The following GGNBP2 variants were observed in gnomAD, a reference collection of about 807,000 sequenced individuals.
The protein encoded by GGNBP2 is gametogenetin binding protein 2.
A neutral mutation model predicts 85.9 loss-of-function variants in GGNBP2; 10 were observed. The ratio of observed to expected loss-of-function variants is 0.12; its 90% CI spans 0.07 to 0.20. GGNBP2 has a LOEUF of 0.20. Ranked by LOEUF, GGNBP2 falls within the 10% of genes least tolerant of loss-of-function variation. The probability of loss-of-function intolerance (pLI) is 1.00; values close to 1 mark genes in which losing one functional copy is unlikely to be tolerated. For synonymous variants in GGNBP2, 287 were observed against 285.7 expected, an observed-to-expected ratio of 1.00 and a Z score of -0.05; for missense variants, 595 against 857.8, an observed-to-expected ratio of 0.69 and a Z score of 3.83.
intron 5 of GGNBP2, among the ~76,000 whole-genome samples, chr17:36,566,474 A>G (rs1011355290): frequency 1.3e-5 from 2 of 152,028 alleles, no homozygotes; most frequent in Non-Finnish European, 2.9e-5. Context: ...AGCCTGGGCA[A>G]CATGACAAGA....
At chr17:36,586,682 A>G in intron 12 of GGNBP2, 1 of 310,978 alleles carries the variant, frequency 3.2e-6, no homozygotes. Flanking sequence ...ACAGTGGCAT[A>G]ATCTTGGCTC....
intron 6 of GGNBP2, among the ~76,000 whole-genome samples, chr17:36,568,332 T>C (rs1052341495): frequency 6.6e-6 from 1 of 151,894 alleles, no homozygotes. Context: ...AGTTGCACTC[T>C]GTCACCCAGG....
At chr17:36,546,576 C>T (rs997898556) in intron 2 of GGNBP2, 3 of 152,202 alleles carry the variant, frequency 2.0e-5, no homozygotes, top group African/African-American at 7.2e-5. Flanking sequence ...ATTATCGACC[C>T]TCTGCCCTAT....
intron 6 of GGNBP2, among the ~76,000 whole-genome samples, chr17:36,571,718 C>T (rs989993743): frequency 7.9e-5 from 12 of 152,170 alleles, no homozygotes; most frequent in African/African-American, 2.9e-4. Flanking sequence ...TGGCGGGCGC[C>T]TGTAGTCCCA....
chr17:36,572,975 A>G (rs903157612), intron 6 of GGNBP2, among the ~76,000 whole-genome samples: 1 of 151,834 alleles, frequency 6.6e-6, no homozygotes, highest in Non-Finnish European at 1.5e-5. Flanking sequence ...ATTATCTAAG[A>G]CAATACTTAG....
chr17:36,565,647 C>G (rs951616553), intron 5 of GGNBP2, among the ~76,000 whole-genome samples: 14 of 152,062 alleles, frequency 9.2e-5, no homozygotes, highest in African/African-American at 3.1e-4. Flanking sequence ...CTGGTAATCC[C>G]AGCACTTTGG....
chr17:36,565,877 C>T (rs2074462975), intron 5 of GGNBP2, among the ~76,000 whole-genome samples: 1 of 152,092 alleles, frequency 6.6e-6, no homozygotes. Flanking sequence ...GCTTGGGCGA[C>T]AGAGTGAGAC....
At chr17:36,555,326 G>A (rs1452941840) in intron 3 of GGNBP2, among the ~76,000 whole-genome samples, 2 of 152,164 alleles carry the variant, frequency 1.3e-5, no homozygotes, top group African/African-American at 4.8e-5. Context: ...GCAATGTATA[G>A]TGGTCCCTCA....
chr17:36,579,112 C>T lies in GGNBP2; in HGVS notation c.846-133C>T, dbSNP rs891030759. ...ATGCATGCTTGTATAGCAACATATA[C>T]GTTGAGTGTAAATGTATAACTGTCT... On this transcript the variant is annotated intron_variant, in intron 7 of 13. Coordinates refer to ENST00000613102, the MANE Select transcript of GGNBP2 (RefSeq NM_024835.5). The T allele has an allele frequency of 4.2e-5, 29 of 683,604 alleles. No individual in the cohort carries two copies. In the African/African-American group the frequency reaches 4.5e-4, roughly 11 times the overall value. The allele number at this position is 683,604 out of a possible 1,614,324, so 42.3% of individuals were successfully genotyped here. A position where few individuals can be genotyped will look rare whatever the true frequency, so the allele number is the denominator to read the frequency against.
At chr17:36,549,871 C>CTGGT (rs2074292127) in intron 2 of GGNBP2, among the ~76,000 whole-genome samples, 1 of 151,758 alleles carries the variant, frequency 6.6e-6, no homozygotes, top group Non-Finnish European at 1.5e-5. Context: ...AGTGGAATTA[C>CTGGT]TGGTTGGATC....
intron 6 of GGNBP2, among the ~76,000 whole-genome samples, chr17:36,573,088 C>T (rs1489912789): frequency 6.6e-6 from 1 of 152,054 alleles, no homozygotes; most frequent in African/African-American, 2.4e-5. Context: ...TGGGCAGTGT[C>T]ATAGTATATG....
intron 5 of GGNBP2, 79 bp downstream of exon 5, chr17:36,560,950 C>T: frequency 1.3e-6 from 1 of 752,452 alleles, no homozygotes; most frequent in South Asian, 1.9e-5. Context: ...AGAAATAAAC[C>T]CACTGTTTGC....
intron 9 of GGNBP2, 87 bp from the exon 10 acceptor site, chr17:36,585,213 A>T (rs2074688816): frequency 3.6e-6 from 4 of 1,112,530 alleles, no homozygotes; most frequent in Non-Finnish European, 5.3e-6. Context: ...TCTTACTATT[A>T]GGATGAAAAT....
intron 13 of GGNBP2, 64 bp from the exon 14 acceptor site, chr17:36,589,144 C>T: frequency 8.6e-7 from 1 of 1,166,750 alleles, no homozygotes; most frequent in Non-Finnish European, 1.3e-6. Flanking sequence ...TTTAGCTGTC[C>T]TCCTCCATTA....
chr17:36,578,148 A>G lies in GGNBP2; in HGVS notation c.807A>G (p.Ala269=), dbSNP rs750587575. The G allele has an allele frequency of 6.2e-7, 1 of 1,613,752 alleles. No individual in the cohort carries two copies. The highest frequency in any genetic ancestry group is 8.5e-7 in the Non-Finnish European group (1 of 1,179,652). The change falls in exon 7 of 14, where the codon GCA becomes GCG. Residue 269 remains alanine (A), a synonymous_variant. Transcript: ENST00000613102. ...TTTGCTGTGAAACAGACTTCATTGC[A>G]CATCTTTTGGGTCGTGCTGAGCCAG... The part of the protein sequence containing the change: ...IHVCCETDFI[A]HLLGRAEPEF...
At chr17:36,554,352 A>ATTTTTTTTTTTTTTTTTTT (rs780217291) in intron 2 of GGNBP2, among the ~76,000 whole-genome samples, 3 of 44,480 alleles carry the variant, frequency 6.7e-5, no homozygotes, top group African/African-American at 1.1e-4. Flanking sequence ...ATGTACTTGA[A>ATTTTTTTTTTTTTTTTTTT]TTTTTTTTTT....
chr17:36,558,750 C>T (rs1204420077), intron 4 of GGNBP2, among the ~76,000 whole-genome samples: 1 of 140,908 alleles, frequency 7.1e-6, no homozygotes, highest in Admixed American at 7.2e-5. Flanking sequence ...GCCACCGTGC[C>T]TGGCTGAGGT....
rs2074565833 is a variant in GGNBP2, at chr17:36,575,281, C to CCCAG, written c.642-2701_642-2698dup. 5.6e-6 allele frequency: 3 copies of CCCAG among 538,700 alleles called. No individual in the cohort carries two copies. The Admixed American group carries it at 8.8e-5, about 16-fold the overall frequency. 33.4% of individuals were successfully genotyped at this position (538,700 alleles called of 1,614,324 possible). On this transcript the variant is annotated intron_variant, in intron 6 of 13. Coordinates refer to ENST00000613102, the MANE Select transcript of GGNBP2 (RefSeq NM_024835.5). ...CACGGAAGCCACTGCATTTCCCCAT[C>CCCAG]CCAGGCGATCCCCACCACCGGCTGC... is the stretch of plus-strand genomic sequence containing the variant.
chr17:36,556,811 C>T (rs1567819494), intron 3 of GGNBP2, among the ~76,000 whole-genome samples: 1 of 131,628 alleles, frequency 7.6e-6, no homozygotes, highest in South Asian at 2.5e-4. Flanking sequence ...CTCACTGAAC[C>T]AGCCCTACAT....
Sources: allele counts gnomAD v4.1 joint callset (sites outside exome capture counted in the v4.1 genomes callset), GRCh38; gene constraint gnomAD v4.1.1; transcripts MANE v1.5; gene names NCBI Gene and HGNC (gene_info 2026-07-23, HGNC 2026-07-21).